Variants in LIPJ observed in about 807,000 individuals in gnomAD.
The protein encoded by LIPJ is lipase family member J, also known as lipase member J.
In LIPJ, 33 loss-of-function variants were observed where a neutral mutation model predicts 39.8. The ratio of observed to expected loss-of-function variants is 0.83; its 90% CI spans 0.63 to 1.11. The LOEUF is 1.11. LIPJ is among the 50% of genes least tolerant of loss of function. LIPJ has a pLI of 0.00. For missense variants in LIPJ, 422 were observed against 427.9 expected (o/e 0.99, Z 0.12); for synonymous variants, 128 against 139.2 (o/e 0.92, Z 0.57).
At chr10:88,607,849 C>G (rs920169351), downstream of LIPJ, among the ~76,000 whole-genome samples, 3 of 152,212 alleles carry the variant, frequency 2.0e-5, no homozygotes, top group East Asian at 1.9e-4. Context: ...AGTCACCACT[C>G]AGTCCAAACA....
chr10:88,583,283 C>T (rs1389876731), upstream of LIPJ: 2 of 1,554,262 alleles, frequency 1.3e-6, no homozygotes, highest in Non-Finnish European at 1.7e-6. Context: ...CGCTAGCGCT[C>T]TTTGGTTCCG....
chr10:88,616,709 C>T, the LIPJ span, among the ~76,000 whole-genome samples: 1 of 152,294 alleles, frequency 6.6e-6, no homozygotes, highest in South Asian at 2.1e-4. Flanking sequence ...TATCCCGCAA[C>T]CCCTGCCTCA....
chr10:88,616,052 AAAG>A, the LIPJ span, among the ~76,000 whole-genome samples: 2 of 152,232 alleles, frequency 1.3e-5, no homozygotes, highest in African/African-American at 4.8e-5. Context: ...TCTCTACAAA[AAAG>A]AAACAAAAAC....
At chr10:88,617,244 C>G in the LIPJ span, among the ~76,000 whole-genome samples, 236 of 152,118 alleles carry the variant, frequency 1.6e-3, 1 homozygote, top group African/African-American at 5.2e-3. Flanking sequence ...GAATAACTTA[C>G]GGCAGTCGCT....
At chr10:88,606,143 A>T (rs1851658964) in intron 10 of LIPJ, among the ~76,000 whole-genome samples, 1 of 152,182 alleles carries the variant, frequency 6.6e-6, no homozygotes, top group Non-Finnish European at 1.5e-5. Context: ...TTGTATAAGG[A>T]CAAAATTATT....
At chr10:88,619,555 A>T in the LIPJ span, among the ~76,000 whole-genome samples, 1 of 151,760 alleles carries the variant, frequency 6.6e-6, no homozygotes, top group African/African-American at 2.4e-5. Flanking sequence ...GCAGGAACAG[A>T]GAAGGAGTGG....
intron 2 of LIPJ, among the ~76,000 whole-genome samples, chr10:88,589,772 A>G (rs1851020643): frequency 6.6e-6 from 1 of 151,878 alleles, no homozygotes; most frequent in African/African-American, 2.4e-5. Flanking sequence ...ATATTACACT[A>G]ATACATCATA....
rs745369613 is a variant in LIPJ at position 88,596,193 on chromosome 10, C to T, written c.440-87C>T. Reference sequence around the variant, plus strand: ...TAATTGTTCAGAAACTATTTTTGAACTTACTCTTATTCTCCTTGGTGTCAT... The same window carrying T: ...TAATTGTTCAGAAACTATTTTTGAATTTACTCTTATTCTCCTTGGTGTCAT... On this transcript the variant is annotated intron_variant, in intron 6 of 10. Coordinates refer to ENST00000371939, the Ensembl canonical transcript of LIPJ. The T allele has an allele frequency of 4.5e-6, 4 of 890,402 alleles. No homozygotes were observed. In the South Asian group the frequency reaches 1.5e-4, roughly 33 times the overall value. 55.2% of individuals were successfully genotyped at this position (890,402 alleles called of 1,614,324 possible). A position where few individuals can be genotyped will look rare whatever the true frequency, so the allele number is the denominator to read the frequency against.
intron 2 of LIPJ, among the ~76,000 whole-genome samples, chr10:88,590,160 T>A (rs1851032322): frequency 6.6e-6 from 1 of 151,652 alleles, no homozygotes; most frequent in Admixed American, 6.6e-5. Flanking sequence ...TATCCAAGCT[T>A]CCAAATCTCC....
intron 1 of LIPJ, 115 bp from the exon 2 acceptor site, chr10:88,587,151 C>T (rs530635653): frequency 1.3e-5 from 2 of 151,922 alleles, no homozygotes; most frequent in South Asian, 4.2e-4. Flanking sequence ...TTCTCATTTT[C>T]GTCAAGATGT....
At chr10:88,598,975 A>G (rs1851360115) in intron 8 of LIPJ, among the ~76,000 whole-genome samples, 1 of 144,404 alleles carries the variant, frequency 6.9e-6, no homozygotes, top group Non-Finnish European at 1.5e-5. Context: ...ATATTATATT[A>G]TTACAATAAT....
At chr10:88,613,744 AT>A in the LIPJ span, among the ~76,000 whole-genome samples, 1 of 22,116 alleles carries the variant, frequency 4.5e-5, no homozygotes, top group African/African-American at 3.7e-4. Flanking sequence ...AGGCATCCTG[AT>A]ATATATATAT....
chr10:88,596,294 T>C, exon 7 of LIPJ: 2 of 1,465,102 alleles, frequency 1.4e-6, no homozygotes, highest in Non-Finnish European at 1.8e-6. Context: ...CATAACATTT[T>C]CTACTATATC....
chr10:88,605,719 A>G lies in LIPJ; in HGVS notation c.867+15A>G, dbSNP rs771920171. On this transcript the variant is annotated intron_variant, in intron 10 of 10. Transcript: ENST00000371939. Reference sequence around the variant, plus strand: ...ATTATAATCAGGTACATAATTCTCTATAAAAACTCTCTACCTTACTGACTT... The same window carrying G: ...ATTATAATCAGGTACATAATTCTCTGTAAAAACTCTCTACCTTACTGACTT... 1.2e-5 allele frequency: 19 copies of G among 1,555,318 alleles called. No homozygotes were observed. The highest frequency in any genetic ancestry group is 8.1e-5 in the African/African-American group (6 of 73,776).
At chr10:88,591,496 T>C (rs1851078858) in exon 4 of LIPJ, 2 of 1,594,808 alleles carry the variant, frequency 1.3e-6, no homozygotes, top group Middle Eastern at 1.7e-4. Flanking sequence ...AATAAAAATC[T>C]AGGTAATATT....
chr10:88,595,182 G>T (rs898364161), intron 6 of LIPJ, among the ~76,000 whole-genome samples: 1 of 151,752 alleles, frequency 6.6e-6, no homozygotes, highest in African/African-American at 2.4e-5. Context: ...ATTTCGGACT[G>T]ATCAAACTTA....
upstream of LIPJ, chr10:88,583,091 C>A (rs773555002): frequency 1.9e-6 from 3 of 1,613,934 alleles, no homozygotes; most frequent in Non-Finnish European, 2.5e-6. Flanking sequence ...TCAGCCTTGT[C>A]CCACACAGCA....
chr10:88,620,013 C>T, the LIPJ span, among the ~76,000 whole-genome samples: 2 of 151,932 alleles, frequency 1.3e-5, no homozygotes, highest in African/African-American at 4.8e-5. Context: ...TAAAAGACCC[C>T]CAAACCTCAG....
exon 11 of LIPJ, chr10:88,606,858 A>G (rs766660200): frequency 1.6e-5 from 26 of 1,598,226 alleles, no homozygotes; most frequent in Admixed American, 3.4e-5. Flanking sequence ...TTAGATGTCT[A>G]TGATCAAGTT....
Sources: gnomAD v4.1 joint callset for allele counts (sites outside exome capture counted in the v4.1 genomes callset) on GRCh38, gnomAD v4.1.1 for gene constraint, MANE v1.5 for transcripts, NCBI Gene and HGNC (gene_info 2026-07-23, HGNC 2026-07-21) for gene names.